BYSL: variants seen among roughly 807,000 people sequenced by gnomAD.
The protein encoded by BYSL is bystin.
In BYSL, 21 loss-of-function variants were observed where a neutral mutation model predicts 45.4. The observed-to-expected ratio is 0.46, with a 90% CI of 0.33 to 0.67. The LOEUF (loss-of-function observed/expected upper bound fraction) is 0.67, where lower values mean the gene tolerates loss of function less well. Among genes scored for constraint, BYSL ranks in the 30% least tolerant of loss-of-function variants. BYSL has a pLI of 0.02. For missense variants in BYSL, 522 were observed against 578.5 expected (o/e 0.90, Z 1.00); for synonymous variants, 215 against 231.3 (o/e 0.93, Z 0.64).
intron 1 of BYSL, among the ~76,000 whole-genome samples, chr6:41,924,474 A>G (rs999934731): frequency 2.6e-5 from 4 of 152,194 alleles, no homozygotes; most frequent in African/African-American, 4.8e-5. Context: ...GTCGTAGACT[A>G]TCTCCTCCAA....
At chr6:41,931,367 G>A (rs1311297460) in intron 4 of BYSL, 29 bp from the exon 5 acceptor site, 2 of 1,613,104 alleles carry the variant, frequency 1.2e-6, no homozygotes, top group African/African-American at 2.7e-5. Context: ...CGTGTGAGTT[G>A]GAAACTTCCC....
In BYSL at chr6:41,932,451, T is replaced by C; in HGVS notation, c.1059T>C (p.Pro353=). ...RLLLDKKYAL[P]YRVLDALVFH... is the part of the protein sequence containing the mutation. ...TGCTGGATAAGAAGTATGCACTGCC[T>C]TACCGGGTGCTGGATGCCCTAGTCT... Residue 353 remains proline, a synonymous_variant, in exon 7 of 7, where the codon CCT becomes CCC. Transcript: ENST00000230340. This position sits in a 1 kb window ranked among gnomAD's most constrained non-coding sequence, Gnocchi z 4.7. The C allele has an allele frequency of 6.2e-7, 1 of 1,614,166 alleles. No homozygotes were observed. The highest frequency in any genetic ancestry group is 8.5e-7 in the Non-Finnish European group (1 of 1,180,040).
chr6:41,929,817 AAGATCAT>A (rs1007174305), intron 2 of BYSL, among the ~76,000 whole-genome samples: 1 of 152,258 alleles, frequency 6.6e-6, no homozygotes, highest in Non-Finnish European at 1.5e-5. Flanking sequence ...TAACATGCCC[AAGATCAT>A]ACCAGGGAGT....
At chr6:41,920,900 G>A (rs749967321), upstream of BYSL, 375 of 1,455,196 alleles carry the variant, frequency 2.6e-4, no homozygotes, top group Non-Finnish European at 3.3e-4. Context: ...CACAACCCGA[G>A]GACATCTCCC....
In BYSL at chr6:41,921,548, A is replaced by G. The variant is rs559049242; in HGVS notation, c.-15A>G. The G allele has an allele frequency of 4.4e-5, 68 of 1,554,048 alleles. No homozygotes were observed. In the Admixed American group the frequency reaches 1.2e-3, roughly 28 times the overall value. ...TCCCCACGTGCGATCCTTCCCGGCAACTTTTTCGAGAAAAATGCCCAAATT... is the reference window on the plus strand; with the variant it reads ...TCCCCACGTGCGATCCTTCCCGGCAGCTTTTTCGAGAAAAATGCCCAAATT... On this transcript the variant is annotated 5_prime_UTR_variant, in exon 1 of 7. Transcript: ENST00000230340.
chr6:41,926,135 C>G (rs1006000301), intron 1 of BYSL, among the ~76,000 whole-genome samples: 2 of 152,340 alleles, frequency 1.3e-5, no homozygotes, highest in African/African-American at 4.8e-5. Context: ...CTTATTTTCT[C>G]TGCGTCTGGA....
the BYSL span, among the ~76,000 whole-genome samples, chr6:41,915,837 A>T: frequency 7.6e-6 from 1 of 131,532 alleles, no homozygotes; most frequent in Non-Finnish European, 1.7e-5. Context: ...TTGGGTTGTA[A>T]TGGATATGTT....
chr6:41,916,745 A>G, upstream of BYSL: 1 of 1,609,960 alleles, frequency 6.2e-7, no homozygotes, highest in South Asian at 1.1e-5. Context: ...TCTTAACTCC[A>G]AGCCTGGTTC....
chr6:41,915,717 G>C, the BYSL span, among the ~76,000 whole-genome samples: 8 of 151,100 alleles, frequency 5.3e-5, no homozygotes, highest in African/African-American at 2.0e-4. Flanking sequence ...AACCCTGGAG[G>C]CGGAGCTTGC....
chr6:41,930,526 G>A (rs536897576), intron 3 of BYSL, 109 bp from the exon 4 acceptor site: 1 of 1,401,334 alleles, frequency 7.1e-7, no homozygotes, highest in South Asian at 1.4e-5. Flanking sequence ...ATAGGTTATT[G>A]TGGGGATGCA....
At position 41,921,652 on chromosome 6, in the gene BYSL, G is replaced by A. The variant is rs1020607730; in HGVS notation, c.90G>A (p.Arg30=). The stretch of plus-strand genomic sequence containing the variant: ...AGATCCTGGCTGGGAATGCGGTGCG[G>A]GCGGGGGTCCGGGAGAAGCGGCGGG... ...ADQILAGNAV[R]AGVREKRRGR... The change falls in exon 1 of 7, where the codon CGG becomes CGA. Residue 30 remains arginine, a synonymous_variant. Transcript: ENST00000230340. The A allele has an allele frequency of 1.2e-6, 2 of 1,613,648 alleles. No individual in the cohort carries two copies. The highest frequency in any genetic ancestry group is 2.7e-5 in the African/African-American group (2 of 75,058).
upstream of BYSL, among the ~76,000 whole-genome samples, chr6:41,918,565 G>A (rs1357195640): frequency 6.6e-6 from 1 of 151,780 alleles, no homozygotes; most frequent in African/African-American, 2.4e-5. Context: ...TGTAATCCCA[G>A]CACTTTGGGA....
At chr6:41,925,322 G>A (rs190534206) in intron 1 of BYSL, among the ~76,000 whole-genome samples, 213 of 151,842 alleles carry the variant, frequency 1.4e-3, no homozygotes, top group Admixed American at 4.1e-3. Context: ...GCCCAGACAT[G>A]TAGCCTTCCA....
chr6:41,910,530 G>T, the BYSL span, among the ~76,000 whole-genome samples: 1 of 151,666 alleles, frequency 6.6e-6, no homozygotes. Flanking sequence ...TACTGGGGAG[G>T]CTGAGGCACG....
the BYSL span, among the ~76,000 whole-genome samples, chr6:41,912,511 C>T: frequency 2.9e-3 from 438 of 151,972 alleles, 1 homozygote; most frequent in Non-Finnish European, 5.3e-3. Context: ...TGCCTGCCAC[C>T]ATGCCTGGCT....
At chr6:41,913,280 T>C in the BYSL span, among the ~76,000 whole-genome samples, 1 of 152,098 alleles carries the variant, frequency 6.6e-6, no homozygotes, top group Non-Finnish European at 1.5e-5. Context: ...ACAGAGCCAG[T>C]AACCAGCAAA....
At chr6:41,931,065 A>T (rs575257294) in intron 4 of BYSL, among the ~76,000 whole-genome samples, 8 of 152,334 alleles carry the variant, frequency 5.3e-5, no homozygotes, top group African/African-American at 1.9e-4. Context: ...CCACTGGGAT[A>T]CAACCCTGTA....
rs551374511 is a variant in BYSL, at chr6:41,932,677, G to A, written c.1285G>A (p.Val429Met). ...RELQSAVPRD[V>M]EDVPITVE Reference sequence around the variant, plus strand: ...GCTTCAGAGTGCAGTCCCCCGCGATGTGGAAGATGTTCCCATCACCGTGGA... The same window carrying A: ...GCTTCAGAGTGCAGTCCCCCGCGATATGGAAGATGTTCCCATCACCGTGGA... The change falls in exon 7 of 7, where the codon GTG becomes ATG. Residue 429 changes from valine (V) to methionine (M), a missense_variant. Coordinates refer to ENST00000230340, the MANE Select transcript of BYSL (RefSeq NM_004053.4). The surrounding 1 kb of genome is among the most constrained non-coding windows in gnomAD (Gnocchi z 4.7). The A allele has an allele frequency of 3.8e-5, 61 of 1,612,672 alleles. No individual in the cohort carries two copies. The highest frequency in any genetic ancestry group is 8.0e-5 in the African/African-American group (6 of 75,050).
chr6:41,926,951 C>T (rs886960177), intron 1 of BYSL, among the ~76,000 whole-genome samples: 7 of 151,318 alleles, frequency 4.6e-5, no homozygotes, highest in African/African-American at 7.3e-5. Flanking sequence ...AAAAATTAGC[C>T]GGGCTGGTGG....
Sources: gnomAD v4.1 joint callset for allele counts (sites outside exome capture counted in the v4.1 genomes callset) on GRCh38, gnomAD v4.1.1 for gene constraint, Gnocchi (gnomAD v3.1) non-coding constraint, MANE v1.5 for transcripts, NCBI Gene and HGNC (gene_info 2026-07-23, HGNC 2026-07-21) for gene names.